DMD: variants seen among roughly 807,000 people sequenced by gnomAD.
DMD encodes dystrophin.
DMD carries 63 observed loss-of-function variants against 330.1 expected under a neutral mutation model. The observed-to-expected ratio is 0.19, with a 90% CI of 0.16 to 0.24. The LOEUF is 0.24. Ranked by LOEUF, DMD falls within the 10% of genes least tolerant of loss-of-function variation. DMD has a pLI of 1.00. For missense variants in DMD, 3,344 were observed against 2,684.1 expected, an observed-to-expected ratio of 1.25 and a Z score of -5.43; for synonymous variants, 1,223 against 959.8, an observed-to-expected ratio of 1.27 and a Z score of -5.07.
At chrX:32,381,114 G>A (rs776791606) in intron 33 of DMD, among the ~76,000 whole-genome samples, 117 of 111,471 alleles carry the variant, frequency 1.0e-3, no homozygotes, top group Non-Finnish European at 1.7e-3. Context: ...TCAAAATGAA[G>A]ATAGAAGATT....
At chrX:33,222,549 G>A (rs1273042303) in intron 1 of DMD, among the ~76,000 whole-genome samples, 1 of 112,337 alleles carries the variant, frequency 8.9e-6, no homozygotes, top group Non-Finnish European at 1.9e-5. Flanking sequence ...CCAGTGCAAT[G>A]AGGCAAGACA....
chrX:31,231,246 G>A (rs185253898), intron 63 of DMD, among the ~76,000 whole-genome samples: 15 of 110,041 alleles, frequency 1.4e-4, no homozygotes, highest in African/African-American at 4.9e-4. Context: ...AAAATCATTA[G>A]TATTATTTTA....
intron 1 of DMD, among the ~76,000 whole-genome samples, chrX:33,256,718 A>G (rs979718941): frequency 5.4e-5 from 6 of 110,518 alleles, no homozygotes; most frequent in African/African-American, 2.0e-4. Context: ...ATGTAGTTAG[A>G]GAAATACATT....
intron 60 of DMD, among the ~76,000 whole-genome samples, chrX:31,366,515 T>TAAAA (rs2059266721): frequency 3.0e-5 from 1 of 33,653 alleles, no homozygotes; most frequent in Non-Finnish European, 5.6e-5. Flanking sequence ...AAAAAATAAA[T>TAAAA]AAATAAAAAA....
intron 43 of DMD, among the ~76,000 whole-genome samples, chrX:32,258,297 A>G (rs1371451090): frequency 4.5e-5 from 5 of 111,967 alleles, no homozygotes; most frequent in African/African-American, 1.6e-4. Context: ...CATTTGACCC[A>G]GCAATCCCAT....
chrX:33,000,454 T>G (rs1169158227), intron 2 of DMD, among the ~76,000 whole-genome samples: 1 of 112,421 alleles, frequency 8.9e-6, no homozygotes, highest in South Asian at 3.7e-4. Context: ...TCTAGTTTCC[T>G]TTGCAATTAA....
At chrX:32,801,548 A>G (rs1251267791) in intron 7 of DMD, among the ~76,000 whole-genome samples, 6 of 111,847 alleles carry the variant, frequency 5.4e-5, no homozygotes. Flanking sequence ...TTTTCTTGCC[A>G]TTGCTTTTGG....
chrX:33,256,907 A>G (rs1333062443), intron 1 of DMD, among the ~76,000 whole-genome samples: 1 of 110,930 alleles, frequency 9.0e-6, no homozygotes, highest in Non-Finnish European at 1.9e-5. Context: ...AGTATTAATA[A>G]AATGCAACAT....
intron 55 of DMD, among the ~76,000 whole-genome samples, chrX:31,576,380 A>G (rs2076099504): frequency 9.0e-6 from 1 of 111,729 alleles, no homozygotes; most frequent in Non-Finnish European, 1.9e-5. Context: ...CACTTAATTC[A>G]AAACTCTTTG....
chrX:31,348,468 C>G, intron 61 of DMD, 88 bp downstream of exon 61: 1 of 802,534 alleles, frequency 1.2e-6, no homozygotes, highest in Non-Finnish European at 1.9e-6. Context: ...TACTATAATT[C>G]AACTCTTAAT....
At chrX:32,485,874 G>C in intron 20 of DMD, among the ~76,000 whole-genome samples, 2 of 105,972 alleles carry the variant, frequency 1.9e-5, no homozygotes, top group Non-Finnish European at 3.9e-5. Flanking sequence ...CTCCTGAGTA[G>C]CTGGGATTAC....
At chrX:31,207,865 C>T (rs182253682) in intron 65 of DMD, among the ~76,000 whole-genome samples, 2 of 111,137 alleles carry the variant, frequency 1.8e-5, no homozygotes, top group East Asian at 2.8e-4. Context: ...ATAATTCCCA[C>T]AAGCTTAGTG....
intron 9 of DMD, among the ~76,000 whole-genome samples, chrX:32,679,215 A>C (rs2062188828): frequency 8.9e-6 from 1 of 112,037 alleles, no homozygotes; most frequent in Non-Finnish European, 1.9e-5. Flanking sequence ...TTGCTTCATG[A>C]TATGGTATAA....
intron 1 of DMD, among the ~76,000 whole-genome samples, chrX:33,021,246 T>C (rs1186096633): frequency 9.0e-6 from 1 of 111,048 alleles, no homozygotes; most frequent in African/African-American, 3.3e-5. Context: ...AAAAACAGCT[T>C]CACTGAATTC....
At chrX:32,517,536 T>C in intron 18 of DMD, 1 of 117,736 alleles carries the variant, frequency 8.5e-6, no homozygotes, top group African/African-American at 3.2e-5. Flanking sequence ...TTAAATATCT[T>C]ATAATATATG....
intron 76 of DMD, among the ~76,000 whole-genome samples, chrX:31,134,767 C>T (rs756223732): frequency 2.7e-5 from 3 of 112,370 alleles, no homozygotes; most frequent in Admixed American, 9.4e-5. Flanking sequence ...AAATGTGCCC[C>T]GCACATAGAA....
chrX:32,052,781 T>C (rs1453613051), intron 44 of DMD, among the ~76,000 whole-genome samples: 1 of 111,169 alleles, frequency 9.0e-6, no homozygotes, highest in Non-Finnish European at 1.9e-5. Flanking sequence ...CTGACATTAA[T>C]TGGAAATGAA....
intron 43 of DMD, among the ~76,000 whole-genome samples, chrX:32,282,371 C>A (rs1433560986): frequency 1.8e-5 from 2 of 111,540 alleles, no homozygotes; most frequent in Non-Finnish European, 3.8e-5. Flanking sequence ...CAGTTAGTTA[C>A]CCACCCGAAA....
chrX:32,542,852 G>A (rs775233638), intron 17 of DMD, among the ~76,000 whole-genome samples: 2 of 111,770 alleles, frequency 1.8e-5, no homozygotes, highest in Non-Finnish European at 3.8e-5. Flanking sequence ...TAATTTTGCC[G>A]TCCAAATCAG....
Sources: gnomAD v4.1 joint callset for allele counts (sites outside exome capture counted in the v4.1 genomes callset) on GRCh38, gnomAD v4.1.1 for gene constraint, MANE v1.5 for transcripts, NCBI Gene and HGNC (gene_info 2026-07-23, HGNC 2026-07-21) for gene names.